FERMT1: variants seen among roughly 807,000 people sequenced by gnomAD.
The protein encoded by FERMT1 is FERM domain containing kindlin 1, also known as fermitin family homolog 1.
Under a neutral mutation model 85.3 loss-of-function variants are expected in FERMT1, and 60 were observed. The ratio of observed to expected loss-of-function variants is 0.70; its 90% CI spans 0.57 to 0.87. The LOEUF (loss-of-function observed/expected upper bound fraction) is 0.87. Ranked by LOEUF, FERMT1 falls within the 40% of genes least tolerant of loss-of-function variation. The probability of loss-of-function intolerance (pLI) is 0.00; values close to 1 mark genes in which losing one functional copy is unlikely to be tolerated. For synonymous variants in FERMT1, 275 were observed against 301.1 expected (o/e 0.91, Z 0.90); for missense variants, 701 against 818.9 (o/e 0.86, Z 1.76).
Position 6,110,662 on chromosome 20 carries a change from G to A in FERMT1, c.533-151C>T, listed in dbSNP as rs4564859. On this transcript the variant is annotated intron_variant, in intron 4 of 14. Coordinates refer to ENST00000217289, the MANE Select transcript of FERMT1 (RefSeq NM_017671.5). ...TAAGTCAAGCTGGGCACTGTGGCCCGCGTCTATAATCCTAGCTACTTGGGA... is the reference window on the plus strand; with the variant it reads ...TAAGTCAAGCTGGGCACTGTGGCCCACGTCTATAATCCTAGCTACTTGGGA... 240 of 697,480 alleles carry A rather than the reference G, an allele frequency of 3.4e-4. 1 individual carries two copies. Among genetic ancestry groups the A allele is most frequent in the African/African-American group, 1.7e-3 (97 of 56,712 alleles). 43.2% of individuals were successfully genotyped at this position (697,480 alleles called of 1,614,324 possible).
intron 11 of FERMT1, 138 bp from the exon 12 acceptor site, chr20:6,085,425 G>T: frequency 1.3e-6 from 1 of 742,634 alleles, no homozygotes; most frequent in Non-Finnish European, 2.4e-6. Context: ...CACACGTTGT[G>T]AGTGGCTGCT....
At chr20:6,107,922 G>A (rs1490519053) in intron 5 of FERMT1, among the ~76,000 whole-genome samples, 1 of 152,124 alleles carries the variant, frequency 6.6e-6, no homozygotes, top group Non-Finnish European at 1.5e-5. Context: ...CTTTAGTGCA[G>A]TGGTGCAGTC....
rs1251345414 is a variant in FERMT1, at chr20:6,096,903, A to G, written c.1088T>C (p.Leu363Ser). 3.1e-6 allele frequency: 5 copies of G among 1,612,922 alleles called. No individual in the cohort carries two copies. The African/African-American group carries it at 5.3e-5, about 17-fold the overall frequency. Reference sequence around the variant, plus strand: ...TGGGTGATCAGAAAAAGTTCATACCAAAAGGCTGTCCGCTTTTCCACCTTC... The same window carrying G: ...TGGGTGATCAGAAAAAGTTCATACCGAAAGGCTGTCCGCTTTTCCACCTTC... ...TLEGGKADSL[L>S]EDITDIPKLA... Residue 363 changes from leucine (L) to serine (S), a missense_variant and splice_region_variant, in exon 8 of 15, where the codon TTG becomes TCG. Transcript: ENST00000217289.
intron 9 of FERMT1, among the ~76,000 whole-genome samples, chr20:6,090,287 A>C (rs955146743): frequency 7.9e-5 from 12 of 151,948 alleles, no homozygotes; most frequent in East Asian, 1.9e-4. Context: ...GTTGGCCAGG[A>C]TGGTCTCGAT....
At chr20:6,094,805 T>C (rs1600434741) in intron 9 of FERMT1, 134 bp downstream of exon 9, 1 of 697,642 alleles carries the variant, frequency 1.4e-6, no homozygotes, top group East Asian at 2.5e-5. Context: ...ACCCATTGTT[T>C]GTCTGATGGC....
At chr20:6,084,188 T>C in intron 12 of FERMT1, 24 bp from the exon 13 acceptor site, 3 of 1,602,010 alleles carry the variant, frequency 1.9e-6, no homozygotes, top group Non-Finnish European at 2.6e-6. Context: ...GACATCAACC[T>C]CTCTTCACAT....
Position 6,093,183 on chromosome 20 carries a change from T to G in FERMT1, c.1139+1756A>C, listed in dbSNP as rs1223175877. Among the ~76,000 whole-genome samples the G allele has an allele frequency of 3.9e-5, 6 of 152,232 alleles. No individual in the cohort carries two copies. In the East Asian group the frequency reaches 1.2e-3, roughly 29 times the overall value. ...AAGGTCTAGGGAAATGAAGGGCCTA[T>G]TAGAGGTCCCACCTTACCAGGAATA... is the stretch of plus-strand genomic sequence containing the variant. On this transcript the variant is annotated intron_variant, in intron 9 of 14. Transcript: ENST00000217289.
At chr20:6,109,259 G>A (rs76499326) in intron 5 of FERMT1, among the ~76,000 whole-genome samples, 5,750 of 152,246 alleles carry the variant, frequency 0.038, 357 homozygotes, top group African/African-American at 0.13. Flanking sequence ...GCTACAAGGA[G>A]GGGGCCGATC....
intron 6 of FERMT1, among the ~76,000 whole-genome samples, chr20:6,099,959 C>A (rs1982616490): frequency 6.7e-6 from 1 of 149,488 alleles, no homozygotes. Flanking sequence ...TGATCACAGC[C>A]TGGGTGACAG....
chr20:6,114,946 T>C (rs1264373174), intron 3 of FERMT1, among the ~76,000 whole-genome samples: 1 of 152,228 alleles, frequency 6.6e-6, no homozygotes, highest in South Asian at 2.1e-4. Flanking sequence ...TGCTAAAATG[T>C]AAGCTCCAGG....
intron 3 of FERMT1, among the ~76,000 whole-genome samples, chr20:6,113,837 C>T (rs190108611): frequency 2.9e-4 from 44 of 152,330 alleles, no homozygotes; most frequent in Non-Finnish European, 4.9e-4. Flanking sequence ...TTCCTGGCAT[C>T]ACCTCCCAAA....
chr20:6,106,137 A>T (rs1004120414), intron 6 of FERMT1, among the ~76,000 whole-genome samples: 1 of 152,244 alleles, frequency 6.6e-6, no homozygotes, highest in African/African-American at 2.4e-5. Context: ...TAGGAGAAGC[A>T]GTACAGTAAT....
chr20:6,086,485 G>T (rs1037679765), intron 11 of FERMT1, among the ~76,000 whole-genome samples: 1 of 152,146 alleles, frequency 6.6e-6, no homozygotes, highest in Non-Finnish European at 1.5e-5. Context: ...TACAGTTAAA[G>T]AGGGGCGTTC....
At chr20:6,112,299 GA>G (rs1332788840) in intron 4 of FERMT1, among the ~76,000 whole-genome samples, 177 bp downstream of exon 4, 3 of 151,688 alleles carry the variant, frequency 2.0e-5, no homozygotes, top group South Asian at 2.1e-4. Flanking sequence ...CATGCTTGAT[GA>G]AAAAAAGTCT....
chr20:6,099,908 A>G (rs1312689140), intron 6 of FERMT1, among the ~76,000 whole-genome samples: 5 of 149,932 alleles, frequency 3.3e-5, no homozygotes, highest in African/African-American at 1.2e-4. Context: ...CTGAGGTGGG[A>G]GGATTGCTTG....
chr20:6,090,988 AC>A (rs1347863618), intron 9 of FERMT1, among the ~76,000 whole-genome samples: 2 of 151,588 alleles, frequency 1.3e-5, no homozygotes, highest in South Asian at 4.2e-4. Flanking sequence ...ACATGGTGAA[AC>A]CCTGGCTCTA....
At chr20:6,107,482 T>TCATG in intron 6 of FERMT1, 50 bp downstream of exon 6, 1 of 1,084,784 alleles carries the variant, frequency 9.2e-7, no homozygotes, top group South Asian at 1.3e-5. Flanking sequence ...TTTTATCCTT[T>TCATG]CATGCATTCA....
At chr20:6,118,343 T>C (rs998435916) in intron 2 of FERMT1, among the ~76,000 whole-genome samples, 11 of 151,414 alleles carry the variant, frequency 7.3e-5, no homozygotes, top group Non-Finnish European at 1.5e-4. Context: ...ATGATTCCTG[T>C]GGTGTTAGAA....
At chr20:6,083,662 C>T (rs796660103) in intron 13 of FERMT1, among the ~76,000 whole-genome samples, 33 of 138,534 alleles carry the variant, frequency 2.4e-4, no homozygotes, top group South Asian at 9.5e-4. Context: ...GACACCCCCC[C>T]CCCCGGCCAC....
Sources: gnomAD v4.1 joint callset for allele counts (sites outside exome capture counted in the v4.1 genomes callset) on GRCh38, gnomAD v4.1.1 for gene constraint, MANE v1.5 for transcripts, NCBI Gene and HGNC (gene_info 2026-07-23, HGNC 2026-07-21) for gene names.